The following PPFIA3 variants were observed in gnomAD, a reference collection of about 807,000 sequenced individuals.
PPFIA3 encodes liprin-alpha-3.
PPFIA3 carries 26 observed loss-of-function variants against 145.8 expected under a neutral mutation model. The ratio of observed to expected loss-of-function variants is 0.18; its 90% CI spans 0.13 to 0.25. The LOEUF is 0.25. Among genes scored for constraint, PPFIA3 ranks in the 10% least tolerant of loss-of-function variants. PPFIA3 has a pLI of 1.00. For synonymous variants in PPFIA3, 645 were observed against 661.4 expected, an observed-to-expected ratio of 0.98 and a Z score of 0.38; for missense variants, 1,008 against 1,587.8, an observed-to-expected ratio of 0.63 and a Z score of 6.21.
chr19:49,122,133 T>C (rs145330600), intron 1 of PPFIA3, among the ~76,000 whole-genome samples: 180 of 147,966 alleles, frequency 1.2e-3, no homozygotes, highest in African/African-American at 4.4e-3. Context: ...CAGGCTGGAG[T>C]GCAATGCTGC....
chr19:49,149,125 C>T lies in PPFIA3; in HGVS notation c.3242C>T (p.Ser1081Phe). The part of the protein sequence containing the change: ...LLALDETFDY[S>F]DLALLLQIPT... ...GCCCTGGACGAGACCTTCGACTACT[C>T]CGACCTGGCCTTGCTCCTGCAGATC... Residue 1081 changes from serine (S) to phenylalanine (F), a missense_variant, in exon 26 of 30, where the codon TCC becomes TTC. Ser to Phe is a radical substitution (Grantham distance 155, BLOSUM62 -2). Around this residue, in one of 11 missense-constraint regions of PPFIA3, gnomAD observed 125 missense variants for 159.3 expected, o/e 0.78. Coordinates refer to ENST00000334186, the MANE Select transcript of PPFIA3 (RefSeq NM_003660.4). The surrounding 1 kb of genome is among the most constrained non-coding windows in gnomAD (Gnocchi z 5.7). 1.2e-6 allele frequency: 2 copies of T among 1,614,148 alleles called. No individual in the cohort carries two copies. The highest frequency in any genetic ancestry group is 1.1e-5 in the South Asian group (1 of 91,078).
intron 14 of PPFIA3, 137 bp from the exon 15 acceptor site, chr19:49,136,587 A>G: frequency 5.3e-6 from 3 of 567,924 alleles, no homozygotes; most frequent in Non-Finnish European, 8.0e-6. Context: ...TCAAGAAAAA[A>G]TAAATAAAAT....
Position 49,150,704 on chromosome 19 carries a change from C to T in PPFIA3, c.*482C>T, listed in dbSNP as rs1427119987. 1 of 153,304 alleles carries T rather than the reference C, an allele frequency of 6.5e-6. No homozygotes were observed. The highest frequency in any genetic ancestry group is 1.5e-5 in the Non-Finnish European group (1 of 68,694). The allele number at this position is 153,304 out of a possible 1,614,324, so 9.5% of individuals were successfully genotyped here. ...CGCCCCCTGTGCCACTCAGCTCCGC[C>T]CCGCCGCGTCCGGTCGCCGGTCCCC... On this transcript the variant is annotated 3_prime_UTR_variant, in exon 30 of 30. Coordinates refer to ENST00000334186, the MANE Select transcript of PPFIA3 (RefSeq NM_003660.4).
rs369960185 is a variant in PPFIA3 at position 49,146,002 on chromosome 19, G to A, written c.2805G>A (p.Lys935=). ...EEMESLTATT[K]PETKEISWEQ... ...TGGAGTCCCTTACGGCCACGACCAAGCCCGTGAGTGCCCCCTGCCGGCCGC... is the reference window on the plus strand; with the variant it reads ...TGGAGTCCCTTACGGCCACGACCAAACCCGTGAGTGCCCCCTGCCGGCCGC... Residue 935 remains lysine (K), a synonymous_variant, in exon 22 of 30, where the codon AAG becomes AAA. Transcript: ENST00000334186. 9.9e-6 allele frequency: 16 copies of A among 1,613,898 alleles called. No homozygotes were observed. In the African/African-American group the frequency reaches 1.9e-4, roughly 19 times the overall value.
intron 1 of PPFIA3, among the ~76,000 whole-genome samples, chr19:49,124,411 ATT>A (rs1428725374): frequency 3.9e-5 from 6 of 152,028 alleles, no homozygotes; most frequent in Non-Finnish European, 8.8e-5. Flanking sequence ...TGAGTTCTAG[ATT>A]TTATCTGCTG....
chr19:49,144,515 A>G (rs538125555), intron 21 of PPFIA3, among the ~76,000 whole-genome samples: 7 of 151,996 alleles, frequency 4.6e-5, no homozygotes, highest in African/African-American at 1.7e-4. Context: ...GGAGTTCGAG[A>G]CCAGCCTGGG....
chr19:49,130,621 G>A lies in PPFIA3; in HGVS notation c.879+22G>A, dbSNP rs528164941. The A allele has an allele frequency of 4.5e-6, 7 of 1,543,820 alleles. No homozygotes were observed. Among genetic ancestry groups the A allele is most frequent in the African/African-American group, 4.1e-5 (3 of 73,058 alleles). Reference sequence around the variant, plus strand: ...GGAGGTGAGGCCCCCAGGGAGGCGGGCTGCCCTGGGTCCCTCGCCTTTCCG... The same window carrying A: ...GGAGGTGAGGCCCCCAGGGAGGCGGACTGCCCTGGGTCCCTCGCCTTTCCG... On this transcript the variant is annotated intron_variant, in intron 7 of 29. Transcript: ENST00000334186. The surrounding 1 kb of genome is among the most constrained non-coding windows in gnomAD (Gnocchi z 4.5).
intron 13 of PPFIA3, among the ~76,000 whole-genome samples, chr19:49,135,193 C>T (rs1031871104): frequency 2.0e-5 from 3 of 151,958 alleles, no homozygotes; most frequent in Non-Finnish European, 4.4e-5. Context: ...AGGCGTGCAC[C>T]ACCACAGCCG....
In PPFIA3 at chr19:49,147,714, G is replaced by A. The variant is rs959411918; in HGVS notation, c.2836-369G>A. On this transcript the variant is annotated intron_variant, in intron 23 of 29. Transcript: ENST00000334186. Reference sequence around the variant, plus strand: ...AGAGAGAGAGAGAGAGAGAGAGAAAGAGAGAAAGAAAGAAATTTAAAAATA... The same window carrying A: ...AGAGAGAGAGAGAGAGAGAGAGAAAAAGAGAAAGAAAGAAATTTAAAAATA... Among the ~76,000 whole-genome samples, 9 of 132,554 alleles carry A rather than the reference G, an allele frequency of 6.8e-5. 1 individual carries two copies. Among genetic ancestry groups the A allele is most frequent in the South Asian group, 4.9e-4 (2 of 4,092 alleles). 87.0% of individuals were successfully genotyped at this position (132,554 alleles called of 152,430 possible).
rs538831466 is a variant in PPFIA3 at position 49,136,607 on chromosome 19, A to T, written c.1666-117A>T. On this transcript the variant is annotated intron_variant, in intron 14 of 29. Coordinates refer to ENST00000334186, the MANE Select transcript of PPFIA3 (RefSeq NM_003660.4). ...AAAAAATAAATAAAATAAAAAAAAT[A>T]AAGCTGGGCTGGGAAAAGCATCAGT... The T allele has an allele frequency of 1.6e-5, 10 of 619,414 alleles. No individual in the cohort carries two copies. In the South Asian group the frequency reaches 6.2e-4, roughly 38 times the overall value. The allele number at this position is 619,414 out of a possible 1,614,324, so 38.4% of individuals were successfully genotyped here.
rs373805303 is a variant in PPFIA3 at position 49,130,862 on chromosome 19, A to ATT, written c.879+272_879+273dup. Among the ~76,000 whole-genome samples, 253 of 149,402 alleles carry ATT rather than the reference A, an allele frequency of 1.7e-3. 1 individual carries two copies. Among genetic ancestry groups the ATT allele is most frequent in the African/African-American group, 6.0e-3 (244 of 40,698 alleles). On this transcript the variant is annotated intron_variant, in intron 7 of 29. Transcript: ENST00000334186. This position sits in a 1 kb window ranked among gnomAD's most constrained non-coding sequence, Gnocchi z 4.5. Reference sequence around the variant, plus strand: ...GTTCTTCTCTGGTGCCTCTAAATGGATTTTTTTTTTCTTTTGTGAGGCAGA... The same window carrying ATT: ...GTTCTTCTCTGGTGCCTCTAAATGGATTTTTTTTTTTTCTTTTGTGAGGCAGA...
rs1482431950 is a variant in PPFIA3 at position 49,149,925 on chromosome 19, C to A, written c.3527-155C>A. 1.8e-6 allele frequency: 2 copies of A among 1,135,028 alleles called. No individual in the cohort carries two copies. Among genetic ancestry groups the A allele is most frequent in the Non-Finnish European group, 2.5e-6 (2 of 805,766 alleles). 70.3% of individuals were successfully genotyped at this position (1,135,028 alleles called of 1,614,324 possible). ...AGGGCGGGAGTGAACTCGCCCAATG[C>A]GAGTTTGAGTCCTTGGCTGCGGGGA... is the stretch of plus-strand genomic sequence containing the variant. On this transcript the variant is annotated intron_variant, in intron 28 of 29. Coordinates refer to ENST00000334186, the MANE Select transcript of PPFIA3 (RefSeq NM_003660.4). This position sits in a 1 kb window ranked among gnomAD's most constrained non-coding sequence, Gnocchi z 5.7.
Position 49,128,237 on chromosome 19 carries a change from G to A in PPFIA3, c.240+124G>A. 1 of 1,490,296 alleles carries A rather than the reference G, an allele frequency of 6.7e-7. No individual in the cohort carries two copies. The highest frequency in any genetic ancestry group is 1.2e-5 in the South Asian group (1 of 80,470). The allele number at this position is 1,490,296 out of a possible 1,614,324, so 92.3% of individuals were successfully genotyped here. A position where few individuals can be genotyped will look rare whatever the true frequency, so the allele number is the denominator to read the frequency against. On this transcript the variant is annotated intron_variant, in intron 2 of 29. Coordinates refer to ENST00000334186, the MANE Select transcript of PPFIA3 (RefSeq NM_003660.4). The surrounding 1 kb of genome is among the most constrained non-coding windows in gnomAD (Gnocchi z 4.1). ...TGGGCGAGGCTTGCCGTTAATGGGC[G>A]GGGCCTGAGTGGCAAGGGACAGCGG...
Position 49,133,344 on chromosome 19 carries a change from G to A in PPFIA3, c.1134G>A (p.Leu378=). ...AETLPEIEAQ[L]AQRVAALNKA... is the part of the protein sequence containing the mutation. The stretch of plus-strand genomic sequence containing the variant: ...CCTTGCCCGAGATAGAGGCGCAGCT[G>A]GCGCAGCGCGTGGCGGCGCTCAACA... The change falls in exon 9 of 30, where the codon CTG becomes CTA. Residue 378 remains leucine (L), a synonymous_variant. Transcript: ENST00000334186. The surrounding 1 kb of genome is among the most constrained non-coding windows in gnomAD (Gnocchi z 7.2). 2.5e-6 allele frequency: 4 copies of A among 1,607,372 alleles called. No individual in the cohort carries two copies. The highest frequency in any genetic ancestry group is 2.2e-5 in the East Asian group (1 of 44,730).
chr19:49,137,561 C>T (rs573283688), intron 15 of PPFIA3, among the ~76,000 whole-genome samples: 10 of 132,938 alleles, frequency 7.5e-5, no homozygotes, highest in African/African-American at 1.7e-4. Flanking sequence ...ACCCGGGAGG[C>T]GGAGCTTGCA....
intron 20 of PPFIA3, 71 bp downstream of exon 20, chr19:49,142,186 C>G (rs1251012389): frequency 2.9e-6 from 4 of 1,391,946 alleles, no homozygotes; most frequent in Non-Finnish European, 3.9e-6. Flanking sequence ...TAGGGGCTGC[C>G]TGGTCCTCCT....
chr19:49,130,094 G>C lies in PPFIA3; in HGVS notation c.657+27G>C. On this transcript the variant is annotated intron_variant, in intron 6 of 29. Coordinates refer to ENST00000334186, the MANE Select transcript of PPFIA3 (RefSeq NM_003660.4). The surrounding 1 kb of genome is among the most constrained non-coding windows in gnomAD (Gnocchi z 4.5). Reference sequence around the variant, plus strand: ...TGAGACATGGAAGTCCCCTCTCCGTGAGCTCCATTCAACTCCCTGACTTTG... The same window carrying C: ...TGAGACATGGAAGTCCCCTCTCCGTCAGCTCCATTCAACTCCCTGACTTTG... The C allele has an allele frequency of 6.3e-7, 1 of 1,598,830 alleles. No individual in the cohort carries two copies. The highest frequency in any genetic ancestry group is 8.5e-7 in the Non-Finnish European group (1 of 1,171,684).
At chr19:49,125,960 G>T (rs547446249) in intron 1 of PPFIA3, among the ~76,000 whole-genome samples, 2 of 149,294 alleles carry the variant, frequency 1.3e-5, no homozygotes, top group Admixed American at 6.7e-5. Flanking sequence ...TGTTTGTTTT[G>T]TTTTTTTTTG....
chr19:49,148,617 C>A, intron 24 of PPFIA3, 49 bp from the exon 25 acceptor site: 2 of 1,444,018 alleles, frequency 1.4e-6, no homozygotes, highest in South Asian at 1.2e-5. Context: ...GAGCAGCAGT[C>A]TAGGGGACTG....
Sources: allele counts gnomAD v4.1 joint callset (sites outside exome capture counted in the v4.1 genomes callset), GRCh38; gene constraint gnomAD v4.1.1; regional missense constraint gnomAD v4.1.1; non-coding constraint Gnocchi (gnomAD v3.1); transcripts MANE v1.5; gene names NCBI Gene and HGNC (gene_info 2026-07-23, HGNC 2026-07-21).